Variants in ICE1 observed in about 807,000 individuals in gnomAD.
ICE1 encodes little elongation complex subunit 1.
In ICE1, 64 loss-of-function variants were observed where a neutral mutation model predicts 192.7. The ratio of observed to expected loss-of-function variants is 0.33; its 90% confidence interval spans 0.27 to 0.41. ICE1 has a LOEUF of 0.41. Among genes scored for constraint, ICE1 ranks in the 10% least tolerant of loss-of-function variants. The pLI is 1.00. For missense variants in ICE1, 2,708 were observed against 2,696.0 expected, an observed-to-expected ratio of 1.00 and a Z score of -0.10; for synonymous variants, 1,010 against 984.5, an observed-to-expected ratio of 1.03 and a Z score of -0.49.
At chr5:5,474,246 C>G (rs1445493395) in intron 16 of ICE1, among the ~76,000 whole-genome samples, 1 of 151,822 alleles carries the variant, frequency 6.6e-6, no homozygotes, top group Non-Finnish European at 1.5e-5. Context: ...TACCTTCATC[C>G]CTATCACATT....
chr5:5,489,121 T>C, intron 18 of ICE1, 28 bp from the exon 19 acceptor site: 1 of 1,605,282 alleles, frequency 6.2e-7, no homozygotes, highest in South Asian at 1.1e-5. Flanking sequence ...TTTTCTTGTT[T>C]TATGACTGAT....
In ICE1 at chr5:5,489,958, A is replaced by G. The variant is rs1409340163; in HGVS notation, c.*628A>G. On this transcript the variant is annotated 3_prime_UTR_variant, in exon 19 of 19. Transcript: ENST00000296564. ...ATCAGGAAGAGGAGAACTGAAGAGT[A>G]GAAGTTCCCTTGCAGATTTTTTTAT... The G allele has an allele frequency of 1.3e-5, 2 of 152,258 alleles. No homozygotes were observed. The highest frequency in any genetic ancestry group is 2.9e-5 in the Non-Finnish European group (2 of 68,082). The allele number at this position is 152,258 out of a possible 1,614,324, so 9.4% of individuals were successfully genotyped here.
Position 5,462,006 on chromosome 5 carries a change from A to G in ICE1, c.2672A>G (p.Asn891Ser). The change falls in exon 13 of 19, where the codon AAT becomes AGT. Residue 891 changes from asparagine (N) to serine (S), a missense_variant. By Grantham distance (46) the Asn-to-Ser change is conservative. Coordinates refer to ENST00000296564, the MANE Select transcript of ICE1 (RefSeq NM_015325.3). Reference protein sequence around the residue: ...HRVEPTLVTENSGNKTGMSTV... With the variant: ...HRVEPTLVTESSGNKTGMSTV... ...GTTGAGCCTACCTTAGTAACAGAAA[A>G]TAGTGGCAACAAAACCGGTATGTCA... 11 of 1,613,992 alleles carry G rather than the reference A, an allele frequency of 6.8e-6. No individual in the cohort carries two copies. Among genetic ancestry groups the G allele is most frequent in the East Asian group, 2.2e-5 (1 of 44,884 alleles).
rs1739170892 is a variant in ICE1, at chr5:5,472,102, A to G, written c.6223-1456A>G. On this transcript the variant is annotated intron_variant, in intron 15 of 18. Transcript: ENST00000296564. ...GTTAACTCATGTATTTAACAGATTC[A>G]CATTTCCTAAATAATCTTATTTACA... 1.3e-5 allele frequency among the ~76,000 whole-genome samples: 2 copies of G among 152,192 alleles called. 1 individual carries two copies. Among genetic ancestry groups the G allele is most frequent in the South Asian group, 4.1e-4 (2 of 4,834 alleles).
At chr5:5,447,249 A>G (rs1738256317) in intron 7 of ICE1, among the ~76,000 whole-genome samples, 178 bp from the exon 8 acceptor site, 2 of 152,198 alleles carry the variant, frequency 1.3e-5, no homozygotes, top group African/African-American at 2.4e-5. Context: ...AAAAAAGTAC[A>G]TTGCATTCAG....
At position 5,461,126 on chromosome 5, in the gene ICE1, G is replaced by A. The variant is rs370394459; in HGVS notation, c.1792G>A (p.Asp598Asn). ...LSRELEKEKE[D>N]TQGFTLGESP... ...TAGAGAATTGGAAAAGGAAAAAGAA[G>A]ATACTCAAGGGTTCACTTTAGGAGA... The change falls in exon 13 of 19, where the codon GAT (aspartate) becomes AAT (asparagine). Residue 598 changes from aspartate (D) to asparagine (N), a missense_variant. This residue lies in a region of ICE1 where 2,366 missense variants were observed against 2,276.6 expected (regional missense o/e 1.04). Transcript: ENST00000296564. The A allele has an allele frequency of 6.2e-7, 1 of 1,613,924 alleles. No individual in the cohort carries two copies. Among genetic ancestry groups the A allele is most frequent in the Non-Finnish European group, 8.5e-7 (1 of 1,179,908 alleles).
chr5:5,475,846 C>A (rs749642266), intron 16 of ICE1, 127 bp from the exon 17 acceptor site: 1 of 670,924 alleles, frequency 1.5e-6, no homozygotes, highest in Non-Finnish European at 2.6e-6. Context: ...TCTGTTCTCA[C>A]TTGAACTTAC....
At chr5:5,441,083 C>T (rs1738035785) in intron 4 of ICE1, 29 bp from the exon 5 acceptor site, 1 of 1,309,858 alleles carries the variant, frequency 7.6e-7, no homozygotes, top group South Asian at 1.3e-5. Context: ...AGATCCTTTT[C>T]TGTAATAATG....
At chr5:5,453,993 C>T (rs971339502) in intron 10 of ICE1, among the ~76,000 whole-genome samples, 19 of 152,162 alleles carry the variant, frequency 1.2e-4, no homozygotes, top group Admixed American at 3.9e-4. Context: ...TGTTCATACG[C>T]ACACATTCCC....
intron 17 of ICE1, among the ~76,000 whole-genome samples, chr5:5,478,647 T>C (rs1264706678): frequency 2.6e-5 from 4 of 152,138 alleles, no homozygotes; most frequent in African/African-American, 9.7e-5. Context: ...CCAACACAGT[T>C]GTAAGCAAAA....
chr5:5,480,254 T>C (rs541066662), intron 17 of ICE1, among the ~76,000 whole-genome samples: 31 of 144,034 alleles, frequency 2.2e-4, no homozygotes, highest in Admixed American at 1.2e-3. Context: ...TTTTTCTTTT[T>C]TTTTTTTTTT....
intron 14 of ICE1, among the ~76,000 whole-genome samples, chr5:5,467,877 A>G (rs1453996335): frequency 2.0e-5 from 3 of 152,242 alleles, no homozygotes; most frequent in Non-Finnish European, 4.4e-5. Flanking sequence ...TAAAACATTC[A>G]TTTATCCTAT....
intron 10 of ICE1, 91 bp from the exon 11 acceptor site, chr5:5,454,461 C>A: frequency 2.5e-6 from 2 of 787,516 alleles, no homozygotes; most frequent in Non-Finnish European, 2.2e-6. Flanking sequence ...TTTCTAAGTC[C>A]CTAATAAACC....
intron 3 of ICE1, among the ~76,000 whole-genome samples, chr5:5,439,404 G>T (rs1737971883): frequency 6.6e-6 from 1 of 152,026 alleles, no homozygotes; most frequent in Non-Finnish European, 1.5e-5. Context: ...GTAAAATAAG[G>T]TTATCAAATT....
At chr5:5,434,907 T>TA (rs869061389) in intron 1 of ICE1, among the ~76,000 whole-genome samples, 3 of 152,234 alleles carry the variant, frequency 2.0e-5, no homozygotes, top group Admixed American at 6.5e-5. Context: ...ATACGTTTTT[T>TA]AAAAAATGTC....
intron 16 of ICE1, among the ~76,000 whole-genome samples, chr5:5,474,221 AAAG>A (rs1739248432): frequency 1.3e-5 from 2 of 149,062 alleles, no homozygotes; most frequent in Admixed American, 6.6e-5. Flanking sequence ...AAAAAAAAAA[AAAG>A]AAAAAAAATG....
chr5:5,472,296 A>C (rs1338257934), intron 15 of ICE1, among the ~76,000 whole-genome samples: 2 of 152,194 alleles, frequency 1.3e-5, no homozygotes, highest in Admixed American at 6.5e-5. Context: ...TACAAACTTA[A>C]TTACATTCTG....
chr5:5,476,150 G>C (rs1739300838), intron 17 of ICE1, 71 bp downstream of exon 17: 5 of 787,636 alleles, frequency 6.3e-6, no homozygotes, highest in Non-Finnish European at 9.7e-6. Flanking sequence ...GGGGTTAACT[G>C]TATAATAAAA....
rs759696373 is a variant in ICE1, at chr5:5,457,714, G to A, written c.1074G>A (p.Pro358=). ...CCCCTCCGATGTCATCACCTCACCC[G>A]GGTTCCTTACCGTCTTCATTTGCAC... ...PSPPPMSSPH[P]GSLPSSFAPE... The change falls in exon 12 of 19, where the codon CCG becomes CCA. Residue 358 remains proline (P), a synonymous_variant. Coordinates refer to ENST00000296564, the MANE Select transcript of ICE1 (RefSeq NM_015325.3). The A allele has an allele frequency of 3.7e-6, 6 of 1,612,440 alleles. No homozygotes were observed. The highest frequency in any genetic ancestry group is 1.7e-5 in the Admixed American group (1 of 59,944).
Sources: gnomAD v4.1 joint callset for allele counts (sites outside exome capture counted in the v4.1 genomes callset) on GRCh38, gnomAD v4.1.1 for gene constraint, gnomAD v4.1.1 regional missense constraint, MANE v1.5 for transcripts, NCBI Gene and HGNC (gene_info 2026-07-23, HGNC 2026-07-21) for gene names.